Variants in NTM observed in about 807,000 individuals in gnomAD.
NTM encodes IgLON family member 2.
NTM carries 13 observed loss-of-function variants against 42.1 expected under a neutral mutation model. The observed-to-expected ratio is 0.31, with a 90% CI of 0.20 to 0.49. The LOEUF (loss-of-function observed/expected upper bound fraction) is 0.49, where lower values mean the gene tolerates loss of function less well. NTM is among the 20% of genes least tolerant of loss of function. The probability of loss-of-function intolerance (pLI) is 0.99; values close to 1 mark genes in which losing one functional copy is unlikely to be tolerated. For missense variants in NTM, 373 were observed against 452.8 expected, an observed-to-expected ratio of 0.82 and a Z score of 1.60; for synonymous variants, 187 against 179.2, an observed-to-expected ratio of 1.04 and a Z score of -0.35.
intron 1 of NTM, among the ~76,000 whole-genome samples, chr11:131,689,239 G>C (rs2074346569): frequency 6.6e-6 from 1 of 152,176 alleles, no homozygotes; most frequent in African/African-American, 2.4e-5. Context: ...CCCAGGACCA[G>C]AGCCAGGCAG....
intron 1 of NTM, among the ~76,000 whole-genome samples, chr11:131,862,621 C>G (rs2046761738): frequency 6.6e-6 from 1 of 152,176 alleles, no homozygotes; most frequent in Admixed American, 6.5e-5. Flanking sequence ...GTTTCAAAAA[C>G]TGTCCTAAAA....
At chr11:132,310,743 C>A (rs374474772) in intron 6 of NTM, among the ~76,000 whole-genome samples, 22 of 152,182 alleles carry the variant, frequency 1.4e-4, no homozygotes, top group African/African-American at 5.3e-4. Context: ...CCAAGTTGTT[C>A]TTTTACTGTA....
intron 1 of NTM, among the ~76,000 whole-genome samples, chr11:131,799,791 C>G (rs926083152): frequency 6.6e-6 from 1 of 152,134 alleles, no homozygotes; most frequent in Non-Finnish European, 1.5e-5. Context: ...ACTTGGTGTG[C>G]CCTCAGCTAG....
At chr11:132,098,123 G>A (rs1230372344) in intron 2 of NTM, among the ~76,000 whole-genome samples, 2 of 152,176 alleles carry the variant, frequency 1.3e-5, no homozygotes, top group Non-Finnish European at 2.9e-5. Flanking sequence ...ATGAGGTGTT[G>A]ACTGATTTAA....
At chr11:131,896,641 A>C (rs535048142) in intron 1 of NTM, among the ~76,000 whole-genome samples, 2 of 150,974 alleles carry the variant, frequency 1.3e-5, no homozygotes, top group African/African-American at 2.4e-5. Context: ...CCTGGCAAGA[A>C]TATCTGTGTT....
intron 1 of NTM, among the ~76,000 whole-genome samples, chr11:131,885,941 C>T (rs1384489824): frequency 1.3e-5 from 2 of 152,154 alleles, no homozygotes; most frequent in African/African-American, 4.8e-5. Flanking sequence ...CCTTGGAAGG[C>T]TCTTGGGTTC....
intron 3 of NTM, among the ~76,000 whole-genome samples, chr11:132,147,708 GC>G (rs2070851149): frequency 6.6e-6 from 1 of 152,030 alleles, no homozygotes. Flanking sequence ...TGATCCCGAG[GC>G]CCTTTCAACC....
intron 1 of NTM, among the ~76,000 whole-genome samples, chr11:131,841,287 G>A (rs1478027771): frequency 6.6e-6 from 1 of 152,194 alleles, no homozygotes; most frequent in African/African-American, 2.4e-5. Context: ...TAGTGACACA[G>A]CAAGATGATG....
At chr11:132,039,577 C>T (rs2076932936) in intron 2 of NTM, among the ~76,000 whole-genome samples, 1 of 152,050 alleles carries the variant, frequency 6.6e-6, no homozygotes, top group African/African-American at 2.4e-5. Context: ...ATGGGAAGGA[C>T]CTGAGGGCCA....
chr11:131,935,301 T>C (rs1270860585), intron 2 of NTM, among the ~76,000 whole-genome samples: 2 of 152,222 alleles, frequency 1.3e-5, no homozygotes, highest in African/African-American at 4.8e-5. Flanking sequence ...CTACTTTGAA[T>C]TAAACATGGA....
At chr11:131,375,656 A>G (rs1485064733) in intron 1 of NTM, among the ~76,000 whole-genome samples, 3 of 152,162 alleles carry the variant, frequency 2.0e-5, no homozygotes, top group African/African-American at 4.8e-5. Flanking sequence ...GGGGAGCACT[A>G]GGGAGGATGG....
intron 7 of NTM, 57 bp downstream of exon 7, chr11:132,314,760 C>G (rs756327421): frequency 2.0e-6 from 3 of 1,531,762 alleles, no homozygotes; most frequent in East Asian, 4.7e-5. Flanking sequence ...AACGGGAGAG[C>G]TGGGTGGGAG....
chr11:132,112,606 A>G (rs1285045194), intron 2 of NTM, among the ~76,000 whole-genome samples: 3 of 152,056 alleles, frequency 2.0e-5, no homozygotes, highest in Admixed American at 6.6e-5. Context: ...GCGGCCTTCC[A>G]CTAGAGAAGG....
intron 7 of NTM, among the ~76,000 whole-genome samples, chr11:132,315,680 C>A (rs539814743): frequency 5.1e-4 from 77 of 152,280 alleles, no homozygotes; most frequent in African/African-American, 1.8e-3. Flanking sequence ...GCCCTCGGTG[C>A]TAGCGTATGT....
Position 131,464,404 on chromosome 11 carries a change from C to T in NTM, c.82+93516C>T, listed in dbSNP as rs567276959. Among the ~76,000 whole-genome samples the T allele has an allele frequency of 7.2e-5, 11 of 152,196 alleles. No individual in the cohort carries two copies. The East Asian group carries it at 2.1e-3, about 30-fold the overall frequency. ...GGGAAAGGGGGCCCCGTCATACATTCATGACTGAACCGCTCTCTGGCAGCC... is the reference window on the plus strand; with the variant it reads ...GGGAAAGGGGGCCCCGTCATACATTTATGACTGAACCGCTCTCTGGCAGCC... On this transcript the variant is annotated intron_variant, in intron 1 of 8. Transcript: ENST00000683400.
intron 1 of NTM, among the ~76,000 whole-genome samples, chr11:131,417,241 C>T (rs753680371): frequency 3.9e-5 from 6 of 152,142 alleles, no homozygotes; most frequent in South Asian, 2.1e-4. Context: ...AAATAATTTC[C>T]CCCTTATCTT....
chr11:131,667,567 C>G lies in NTM; in HGVS notation c.83-243997C>G, dbSNP rs151147920. Among the ~76,000 whole-genome samples, 4 of 152,266 alleles carry G rather than the reference C, an allele frequency of 2.6e-5. No homozygotes were observed. In the East Asian group the frequency reaches 7.7e-4, roughly 29 times the overall value. On this transcript the variant is annotated intron_variant, in intron 1 of 8. Transcript: ENST00000683400. Reference sequence around the variant, plus strand: ...CCTTCTTTTGCCCCCAGTGAGCTTCCCAGAACCTGGAACCATGTGAGTACT... The same window carrying G: ...CCTTCTTTTGCCCCCAGTGAGCTTCGCAGAACCTGGAACCATGTGAGTACT...
At chr11:132,159,857 G>A (rs1666147033) in intron 3 of NTM, among the ~76,000 whole-genome samples, 1 of 152,186 alleles carries the variant, frequency 6.6e-6, no homozygotes, top group Non-Finnish European at 1.5e-5. Flanking sequence ...AGGTCAAATT[G>A]GGAACATTTC....
chr11:131,384,388 G>A (rs1356045495), intron 1 of NTM, among the ~76,000 whole-genome samples: 1 of 152,216 alleles, frequency 6.6e-6, no homozygotes, highest in East Asian at 1.9e-4. Context: ...AGGAATGTCA[G>A]CAGTGTCAAA....
Sources: allele counts gnomAD v4.1 joint callset (sites outside exome capture counted in the v4.1 genomes callset), GRCh38; gene constraint gnomAD v4.1.1; transcripts MANE v1.5; gene names NCBI Gene and HGNC (gene_info 2026-07-23, HGNC 2026-07-21).